The following GAB4 variants were observed in gnomAD, a reference collection of about 807,000 sequenced individuals.
GAB4 encodes GRB2-associated-binding protein 4.
In GAB4, 26 loss-of-function variants were observed where a neutral mutation model predicts 51.3. The observed-to-expected ratio is 0.51, with a 90% CI of 0.37 to 0.70. The LOEUF (loss-of-function observed/expected upper bound fraction) is 0.70, where lower values mean the gene tolerates loss of function less well. GAB4 is among the 30% of genes least tolerant of loss of function. The pLI is 0.00. For synonymous variants in GAB4, 329 were observed against 291.2 expected (o/e 1.13, Z -1.32); for missense variants, 759 against 734.6 (o/e 1.03, Z -0.38).
intron 3 of GAB4, among the ~76,000 whole-genome samples, chr22:16,978,387 G>A (rs1370918885): frequency 1.3e-5 from 2 of 152,186 alleles, no homozygotes; most frequent in Admixed American, 6.5e-5. Flanking sequence ...ACTAGCATCA[G>A]AGGATACTAT....
intron 4 of GAB4, among the ~76,000 whole-genome samples, chr22:16,968,606 G>A (rs1248917021): frequency 6.6e-6 from 1 of 152,010 alleles, no homozygotes; most frequent in Admixed American, 6.5e-5. Flanking sequence ...GTCCCTCCTG[G>A]ATGCCTGCCC....
chr22:16,983,353 G>T, intron 3 of GAB4, among the ~76,000 whole-genome samples: 1 of 152,082 alleles, frequency 6.6e-6, no homozygotes, highest in East Asian at 1.9e-4. Flanking sequence ...TCATGGTCTG[G>T]TGTTGCATCT....
intron 3 of GAB4, 93 bp from the exon 4 acceptor site, chr22:16,970,286 G>T: frequency 7.2e-7 from 1 of 1,382,908 alleles, no homozygotes; most frequent in Non-Finnish European, 1.0e-6. Flanking sequence ...CCAATGTAGT[G>T]AGATGATATG....
chr22:16,980,407 A>C (rs1222238359), intron 3 of GAB4, among the ~76,000 whole-genome samples: 1 of 152,192 alleles, frequency 6.6e-6, no homozygotes, highest in Non-Finnish European at 1.5e-5. Context: ...CATGAAAAAA[A>C]GCTCATCATC....
chr22:16,971,203 A>G (rs2060728940), intron 3 of GAB4, among the ~76,000 whole-genome samples: 1 of 152,210 alleles, frequency 6.6e-6, no homozygotes, highest in African/African-American at 2.4e-5. Flanking sequence ...CGGAAAAAGA[A>G]AAAGTTTTGA....
intron 1 of GAB4, among the ~76,000 whole-genome samples, chr22:16,997,166 G>A (rs2060956986): frequency 6.6e-6 from 1 of 152,096 alleles, no homozygotes; most frequent in African/African-American, 2.4e-5. Context: ...CCCAGTAATG[G>A]GATTGCTGGG....
chr22:16,968,726 G>A (rs1450669290), intron 4 of GAB4, among the ~76,000 whole-genome samples: 2 of 152,120 alleles, frequency 1.3e-5, no homozygotes, highest in Non-Finnish European at 1.5e-5. Context: ...TCTGCATGTC[G>A]GTTTCATTTT....
At chr22:16,983,380 C>T (rs1311539280) in intron 3 of GAB4, among the ~76,000 whole-genome samples, 1 of 152,122 alleles carries the variant, frequency 6.6e-6, no homozygotes, top group African/African-American at 2.4e-5. Flanking sequence ...CCCAACACTA[C>T]CTAAAGAAAT....
At chr22:16,984,004 A>G (rs2060846857) in intron 3 of GAB4, among the ~76,000 whole-genome samples, 1 of 152,230 alleles carries the variant, frequency 6.6e-6, no homozygotes, top group African/African-American at 2.4e-5. Flanking sequence ...AAAAATTAAT[A>G]AGGTAAAGAA....
At chr22:16,969,651 T>C in intron 4 of GAB4, 1 of 645,070 alleles carries the variant, frequency 1.6e-6, no homozygotes. Context: ...AGGAAGGGTA[T>C]TCCGCCTGGG....
rs1045885030 is a variant in GAB4, at chr22:16,987,979, G to A, written c.667C>T (p.Gln223Ter). Residue 223 changes from glutamine (Q) to a stop codon, truncating the protein, a stop_gained, in exon 3 of 10, where the codon CAG (glutamine) becomes TAG (stop). Transcript: ENST00000400588. LOFTEE classifies it high-confidence loss of function. ...CCCTACCTTGCATGTTCTGCTCTCTGGCTGGCGTGCTGGTGCGAGCGGAGA... is the reference window on the plus strand; with the variant it reads ...CCCTACCTTGCATGTTCTGCTCTCTAGCTGGCGTGCTGGTGCGAGCGGAGA... Reference protein sequence around the residue: ...GCLRSHQHASQRAEHARSASF... With the variant: ...GCLRSHQHAS 1 of 1,605,016 alleles carries A rather than the reference G, an allele frequency of 6.2e-7. No individual in the cohort carries two copies. The highest frequency in any genetic ancestry group is 1.3e-5 in the African/African-American group (1 of 74,954).
Position 16,968,380 on chromosome 22 carries a change from G to C in GAB4, c.941C>G (p.Ser314Cys), listed in dbSNP as rs375029288. The change falls in exon 5 of 10, where the codon TCC (serine) becomes TGC (cysteine). Residue 314 changes from serine to cysteine, a missense_variant. Ser to Cys is a moderately radical substitution (Grantham distance 112). This residue lies in a region of GAB4 where 588 missense variants were observed against 510.2 expected (regional missense o/e 1.15). Transcript: ENST00000400588. ...ACCATGCTGGGTGTACTTGCCGGAG[G>C]AAGCTACGACAGAGGAAGGAGATCC... ...LTGSEADNEA[S>C]SGKYTQHGGG... is the part of the protein sequence containing the mutation. The C allele has an allele frequency of 6.2e-7, 1 of 1,613,260 alleles. No homozygotes were observed. Among genetic ancestry groups the C allele is most frequent in the African/African-American group, 1.3e-5 (1 of 74,872 alleles).
At chr22:16,971,721 C>G (rs2060733588) in intron 3 of GAB4, among the ~76,000 whole-genome samples, 1 of 152,214 alleles carries the variant, frequency 6.6e-6, no homozygotes, top group African/African-American at 2.4e-5. Context: ...GAGACCAATC[C>G]ATGGAACTGC....
chr22:17,002,862 T>TTA (rs2061009132), intron 1 of GAB4, among the ~76,000 whole-genome samples: 1 of 152,152 alleles, frequency 6.6e-6, no homozygotes, highest in Admixed American at 6.5e-5. Context: ...ATGGGCTAAA[T>TTA]GCCCCAATTA....
At chr22:17,002,007 T>G (rs2061001538) in intron 1 of GAB4, among the ~76,000 whole-genome samples, 2 of 152,158 alleles carry the variant, frequency 1.3e-5, no homozygotes, top group Admixed American at 1.3e-4. Context: ...TTAGGGCCAT[T>G]GGAAAAGTGC....
At chr22:17,005,534 G>C (rs1459987968) in intron 1 of GAB4, among the ~76,000 whole-genome samples, 5 of 152,134 alleles carry the variant, frequency 3.3e-5, no homozygotes. Context: ...AAAAGAGCCC[G>C]TATAGCCAAG....
chr22:16,985,181 C>T (rs1281526059), intron 3 of GAB4, among the ~76,000 whole-genome samples: 4 of 152,174 alleles, frequency 2.6e-5, no homozygotes, highest in Admixed American at 1.3e-4. Flanking sequence ...GTATCTCTCC[C>T]GAAATCCATC....
intron 3 of GAB4, among the ~76,000 whole-genome samples, chr22:16,983,180 ACCC>A (rs1482616598): frequency 2.0e-5 from 3 of 151,886 alleles, no homozygotes; most frequent in Non-Finnish European, 2.9e-5. Context: ...CTACCTTTCA[ACCC>A]CACATCCTCA....
chr22:16,992,105 G>A lies in GAB4; in HGVS notation c.246C>T (p.Tyr82=), dbSNP rs1306457824. The part of the protein sequence containing the change: ...TSSDPDVLEY[Y]KNDGSKKPLR... ...GGGGCTTCTTGGAGCCATCATTCTT[G>A]TAGTATTCCAGAACATCTGGGTCAC... Residue 82 remains tyrosine, a synonymous_variant, in exon 2 of 10, where the codon TAC becomes TAT. Transcript: ENST00000400588. 4 of 1,614,098 alleles carry A rather than the reference G, an allele frequency of 2.5e-6. No homozygotes were observed. Among genetic ancestry groups the A allele is most frequent in the South Asian group, 2.2e-5 (2 of 91,088 alleles).
Sources: gnomAD v4.1 joint callset for allele counts (sites outside exome capture counted in the v4.1 genomes callset) on GRCh38, gnomAD v4.1.1 for gene constraint, gnomAD v4.1.1 regional missense constraint, MANE v1.5 for transcripts, NCBI Gene and HGNC (gene_info 2026-07-23, HGNC 2026-07-21) for gene names.